CNTNAP2: variants seen among roughly 807,000 people sequenced by gnomAD.
The protein encoded by CNTNAP2 is contactin-associated protein-like 2.
A neutral mutation model predicts 155.2 loss-of-function variants in CNTNAP2; 98 were observed. The observed-to-expected ratio is 0.63, with a 90% CI of 0.54 to 0.75. The LOEUF (loss-of-function observed/expected upper bound fraction) is 0.75. Ranked by LOEUF, CNTNAP2 falls within the 30% of genes least tolerant of loss-of-function variation. The pLI, the probability that CNTNAP2 is intolerant of heterozygous loss-of-function variation, is 0.00. For missense variants in CNTNAP2, 1,727 were observed against 1,688.1 expected (o/e 1.02, Z -0.40); for synonymous variants, 651 against 631.2 (o/e 1.03, Z -0.47).
At chr7:147,654,808 C>CTTTTTTTTTTTTT (rs1186575442) in intron 13 of CNTNAP2, among the ~76,000 whole-genome samples, 13 of 97,310 alleles carry the variant, frequency 1.3e-4, no homozygotes, top group Non-Finnish European at 1.9e-4. Context: ...AAATATATTT[C>CTTTTTTTTTTTTT]TTTTTTTTTT....
chr7:148,319,133 A>G (rs1797743260), intron 21 of CNTNAP2, among the ~76,000 whole-genome samples: 1 of 152,208 alleles, frequency 6.6e-6, no homozygotes, highest in Non-Finnish European at 1.5e-5. Flanking sequence ...AGCTATTAAC[A>G]TAGATAAGAA....
chr7:147,892,660 C>T (rs1489086844), intron 13 of CNTNAP2, among the ~76,000 whole-genome samples: 2 of 152,196 alleles, frequency 1.3e-5, no homozygotes, highest in Non-Finnish European at 2.9e-5. Flanking sequence ...TCTACTGCAT[C>T]AAATTCTGCT....
At chr7:148,066,516 G>C (rs942574104) in intron 15 of CNTNAP2, among the ~76,000 whole-genome samples, 1 of 150,106 alleles carries the variant, frequency 6.7e-6, no homozygotes, top group East Asian at 1.9e-4. Context: ...TTTTTAGTTT[G>C]AGATGGAGTC....
intron 18 of CNTNAP2, among the ~76,000 whole-genome samples, chr7:148,210,602 T>C (rs1230853822): frequency 2.6e-5 from 4 of 152,148 alleles, no homozygotes; most frequent in African/African-American, 9.7e-5. Context: ...AGGATAAACT[T>C]AGAGATTTTT....
intron 1 of CNTNAP2, among the ~76,000 whole-genome samples, chr7:146,596,633 GA>G (rs1213571331): frequency 2.0e-5 from 3 of 149,202 alleles, no homozygotes; most frequent in Admixed American, 1.3e-4. Context: ...GAGAGAGAGA[GA>G]GAGAGAAATT....
chr7:147,694,376 T>A (rs1796132759), intron 13 of CNTNAP2, among the ~76,000 whole-genome samples: 1 of 152,154 alleles, frequency 6.6e-6, no homozygotes, highest in Non-Finnish European at 1.5e-5. Flanking sequence ...TAGGACATAT[T>A]CTCTCTGCTT....
intron 13 of CNTNAP2, among the ~76,000 whole-genome samples, chr7:147,860,728 C>A (rs1262317313): frequency 1.3e-5 from 2 of 152,114 alleles, no homozygotes; most frequent in Non-Finnish European, 2.9e-5. Flanking sequence ...CCATGAGGAA[C>A]TGGGAGTCAA....
At chr7:148,322,302 T>C (rs1797806261) in intron 21 of CNTNAP2, among the ~76,000 whole-genome samples, 1 of 152,162 alleles carries the variant, frequency 6.6e-6, no homozygotes. Flanking sequence ...CCAACCTACA[T>C]TGGTCTACTC....
At chr7:147,010,960 T>C (rs548670706) in intron 3 of CNTNAP2, among the ~76,000 whole-genome samples, 160 of 152,086 alleles carry the variant, frequency 1.1e-3, no homozygotes, top group Non-Finnish European at 9.6e-4. Flanking sequence ...GTTATCAAAG[T>C]TAGTATCACC....
chr7:147,481,330 C>T (rs1218934545), intron 10 of CNTNAP2, among the ~76,000 whole-genome samples: 8 of 152,196 alleles, frequency 5.3e-5, no homozygotes, highest in Admixed American at 5.2e-4. Context: ...TAAGCTACTA[C>T]AAACAAACAA....
chr7:147,189,531 T>C (rs1350571431), intron 8 of CNTNAP2, among the ~76,000 whole-genome samples: 1 of 152,196 alleles, frequency 6.6e-6, no homozygotes, highest in African/African-American at 2.4e-5. Flanking sequence ...TGGTGATTTG[T>C]ACTAACATTA....
intron 3 of CNTNAP2, among the ~76,000 whole-genome samples, chr7:146,881,196 T>A (rs1170550127): frequency 1.3e-5 from 2 of 152,116 alleles, no homozygotes; most frequent in Non-Finnish European, 2.9e-5. Context: ...AGATCTTAGG[T>A]ATTTTAACCT....
intron 1 of CNTNAP2, among the ~76,000 whole-genome samples, chr7:146,361,588 G>A (rs1795083557): frequency 6.6e-6 from 1 of 152,138 alleles, no homozygotes. Flanking sequence ...TTGCTAAATG[G>A]TACCCCACAG....
chr7:148,187,144 AC>A (rs66702656), intron 18 of CNTNAP2, among the ~76,000 whole-genome samples: 67,067 of 147,072 alleles, frequency 0.46, 16,909 homozygotes, highest in Non-Finnish European at 0.56. Flanking sequence ...ACACACACAC[AC>A]ACAAACAGAG....
intron 1 of CNTNAP2, among the ~76,000 whole-genome samples, chr7:146,468,247 G>T (rs1291436691): frequency 6.6e-6 from 1 of 152,136 alleles, no homozygotes; most frequent in Admixed American, 6.5e-5. Flanking sequence ...ATGCATCATG[G>T]ACATAAAGAT....
At chr7:147,881,850 T>C (rs10261560) in intron 13 of CNTNAP2, among the ~76,000 whole-genome samples, 5,944 of 152,060 alleles carry the variant, frequency 0.039, 375 homozygotes, top group African/African-American at 0.14. Flanking sequence ...TGGGTGCCTG[T>C]AGTCTCAGCT....
At chr7:146,551,284 C>T (rs543521806) in intron 1 of CNTNAP2, among the ~76,000 whole-genome samples, 1 of 152,142 alleles carries the variant, frequency 6.6e-6, no homozygotes, top group African/African-American at 2.4e-5. Context: ...GCTGTCCCTT[C>T]CCCCTCCCTC....
intron 1 of CNTNAP2, among the ~76,000 whole-genome samples, chr7:146,357,132 G>A (rs1427143351): frequency 1.3e-5 from 2 of 149,896 alleles, no homozygotes; most frequent in African/African-American, 4.9e-5. Context: ...AAATGATATT[G>A]AAGGGACAAA....
At chr7:146,508,541 C>T (rs565773355) in intron 1 of CNTNAP2, among the ~76,000 whole-genome samples, 75 of 152,312 alleles carry the variant, frequency 4.9e-4, no homozygotes, top group African/African-American at 1.8e-3. Context: ...CAATGTCTAC[C>T]AGCAGCAGCA....
Sources: gnomAD v4.1 joint callset for allele counts (sites outside exome capture counted in the v4.1 genomes callset) on GRCh38, gnomAD v4.1.1 for gene constraint, MANE v1.5 for transcripts, NCBI Gene and HGNC (gene_info 2026-07-23, HGNC 2026-07-21) for gene names.